DNAH12: variants seen among roughly 807,000 people sequenced by gnomAD.
DNAH12 encodes the protein axonemal beta dynein heavy chain 12.
Under a neutral mutation model 371.5 loss-of-function variants are expected in DNAH12, and 285 were observed. The observed-to-expected ratio is 0.77, with a 90% CI of 0.70 to 0.85. DNAH12 has a LOEUF of 0.85. DNAH12 is among the 40% of genes least tolerant of loss of function. DNAH12 has a pLI of 0.00. For missense variants in DNAH12, 3,611 were observed against 3,689.4 expected (o/e 0.98, Z 0.55); for synonymous variants, 1,200 against 1,213.0 (o/e 0.99, Z 0.22).
At chr3:57,463,874 T>G (rs1024232726) in intron 17 of DNAH12, among the ~76,000 whole-genome samples, 1 of 151,776 alleles carries the variant, frequency 6.6e-6, no homozygotes, top group African/African-American at 2.4e-5. Context: ...TTCAAGAGAT[T>G]CTCCTGCCTC....
intron 4 of DNAH12, among the ~76,000 whole-genome samples, chr3:57,515,505 G>A (rs901570836): frequency 6.6e-6 from 1 of 152,128 alleles, no homozygotes; most frequent in African/African-American, 2.4e-5. Context: ...AGCTACTCAG[G>A]AGGCTGGGGT....
intron 28 of DNAH12, among the ~76,000 whole-genome samples, 178 bp downstream of exon 28, chr3:57,444,996 A>T (rs956632997): frequency 6.6e-6 from 1 of 151,908 alleles, no homozygotes; most frequent in African/African-American, 2.4e-5. Flanking sequence ...TATCAAACTA[A>T]AAAGTCTTTG....
intron 58 of DNAH12, among the ~76,000 whole-genome samples, chr3:57,361,559 C>T (rs1036182137): frequency 6.6e-6 from 1 of 150,684 alleles, no homozygotes; most frequent in South Asian, 2.1e-4. Context: ...CCACCCTCAA[C>T]TCTTATACCT....
chr3:57,296,331 T>C lies in DNAH12; in HGVS notation c.11624+13A>G, dbSNP rs772746793. ...CTACAAATGAAGAGGTCCTGGCAGC[T>C]GAATCCACTGACCTTTCTCGGTCCC... On this transcript the variant is annotated intron_variant, in intron 72 of 73. Coordinates refer to ENST00000495027, the MANE Select transcript of DNAH12 (RefSeq NM_001366028.2). 2.8e-5 allele frequency: 43 copies of C among 1,536,408 alleles called. No individual in the cohort carries two copies. In the African/African-American group the frequency reaches 4.7e-4, roughly 17 times the overall value.
chr3:57,308,766 G>A (rs1393095338), intron 69 of DNAH12, among the ~76,000 whole-genome samples: 1 of 152,086 alleles, frequency 6.6e-6, no homozygotes, highest in Admixed American at 6.6e-5. Context: ...ACCTCCTCAG[G>A]CACTCTCTAA....
intron 2 of DNAH12, among the ~76,000 whole-genome samples, chr3:57,526,708 T>C (rs1215970140): frequency 2.0e-5 from 3 of 151,856 alleles, no homozygotes; most frequent in Non-Finnish European, 2.9e-5. Context: ...GTATTTTTAG[T>C]AGAGACGGGT....
chr3:57,312,423 G>A (rs2061600606), intron 66 of DNAH12, among the ~76,000 whole-genome samples: 2 of 152,306 alleles, frequency 1.3e-5, no homozygotes, highest in South Asian at 2.1e-4. Context: ...TGCAAGAAGT[G>A]GAGACCAACA....
chr3:57,294,050 A>G (rs2061178010), intron 73 of DNAH12, 79 bp from the exon 74 acceptor site: 28 of 1,242,972 alleles, frequency 2.3e-5, no homozygotes, highest in Non-Finnish European at 2.7e-5. Context: ...TTTATCTTGT[A>G]ATAAAATGGC....
At position 57,499,647 on chromosome 3, in the gene DNAH12, A is replaced by AAAT. The variant is rs1451248906; in HGVS notation, c.1335+1673_1335+1674insATT. Reference sequence around the variant, plus strand: ...CATCTCTACAAAAAAAAAAAAAAAAAATATATATATATATATATATATATA... The same window carrying AAAT: ...CATCTCTACAAAAAAAAAAAAAAAAAAATATATATATATATATATATATATATA... On this transcript the variant is annotated intron_variant, in intron 11 of 73. Coordinates refer to ENST00000495027, the MANE Select transcript of DNAH12 (RefSeq NM_001366028.2). Among the ~76,000 whole-genome samples the AAAT allele has an allele frequency of 2.4e-3, 43 of 17,958 alleles. 2 individuals carry two copies. The highest frequency in any genetic ancestry group is 5.0e-3 in the African/African-American group (24 of 4,830). 11.8% of individuals were successfully genotyped at this position (17,958 alleles called of 152,430 possible).
At position 57,411,140 on chromosome 3, in the gene DNAH12, T is replaced by C. The variant is rs1050721925; in HGVS notation, c.6021-2605A>G. ...AACTACAAAAAACTCCTGGAACTAATAAGCAATTATAGCAAGCTTGTAAAG... is the reference window on the plus strand; with the variant it reads ...AACTACAAAAAACTCCTGGAACTAACAAGCAATTATAGCAAGCTTGTAAAG... On this transcript the variant is annotated intron_variant, in intron 39 of 73. Coordinates refer to ENST00000495027, the MANE Select transcript of DNAH12 (RefSeq NM_001366028.2). Among the ~76,000 whole-genome samples the C allele has an allele frequency of 2.0e-5, 3 of 152,196 alleles. No homozygotes were observed. In the East Asian group the frequency reaches 5.8e-4, roughly 29 times the overall value.
chr3:57,435,950 T>C (rs999140511), intron 30 of DNAH12, among the ~76,000 whole-genome samples: 10 of 152,074 alleles, frequency 6.6e-5, no homozygotes, highest in Non-Finnish European at 1.5e-4. Flanking sequence ...CCCAACTTTC[T>C]ATAGGCAAGA....
chr3:57,331,864 T>C (rs1277419669), intron 62 of DNAH12, among the ~76,000 whole-genome samples: 1 of 152,132 alleles, frequency 6.6e-6, no homozygotes, highest in African/African-American at 2.4e-5. Context: ...CCTCTACATC[T>C]GATCGCCCTC....
At chr3:57,367,712 G>A (rs1291861692) in intron 56 of DNAH12, among the ~76,000 whole-genome samples, 2 of 152,122 alleles carry the variant, frequency 1.3e-5, no homozygotes, top group Admixed American at 6.5e-5. Flanking sequence ...GAGGCCAGGA[G>A]TTTGACACCA....
At chr3:57,360,381 C>CTA (rs1434309509) in intron 58 of DNAH12, among the ~76,000 whole-genome samples, 2,036 of 152,246 alleles carry the variant, frequency 0.013, 31 homozygotes, top group Non-Finnish European at 0.019. Flanking sequence ...GGAAGGGTGC[C>CTA]TAGAGCTTTA....
chr3:57,377,969 G>A (rs1263764420), intron 52 of DNAH12, among the ~76,000 whole-genome samples: 1 of 152,160 alleles, frequency 6.6e-6, no homozygotes, highest in Non-Finnish European at 1.5e-5. Context: ...GAATGAAGCT[G>A]AAGGCAAGGA....
intron 37 of DNAH12, among the ~76,000 whole-genome samples, chr3:57,419,054 G>A (rs1031993238): frequency 6.6e-6 from 1 of 152,200 alleles, no homozygotes; most frequent in Admixed American, 6.5e-5. Flanking sequence ...GGAGTACGCT[G>A]AATCTTTAAT....
chr3:57,413,576 T>C (rs2064271438), intron 39 of DNAH12, among the ~76,000 whole-genome samples, 170 bp downstream of exon 39: 1 of 152,150 alleles, frequency 6.6e-6, no homozygotes, highest in African/African-American at 2.4e-5. Context: ...TACCTTCCTC[T>C]TAATTTAAAA....
At chr3:57,477,450 C>G (rs193144140) in intron 13 of DNAH12, among the ~76,000 whole-genome samples, 1 of 152,150 alleles carries the variant, frequency 6.6e-6, no homozygotes, top group Non-Finnish European at 1.5e-5. Context: ...GTGGAGTGCA[C>G]GGCAGCTCAA....
chr3:57,385,087 G>C (rs984149849), intron 48 of DNAH12, 82 bp from the exon 49 acceptor site: 19 of 152,148 alleles, frequency 1.2e-4, no homozygotes, highest in African/African-American at 4.6e-4. Context: ...TTGAAAATTA[G>C]GGAATCTAAC....
Sources: gnomAD v4.1 joint callset for allele counts (sites outside exome capture counted in the v4.1 genomes callset) on GRCh38, gnomAD v4.1.1 for gene constraint, MANE v1.5 for transcripts, NCBI Gene and HGNC (gene_info 2026-07-23, HGNC 2026-07-21) for gene names.